The following RBFOX1 variants were observed in gnomAD, a reference collection of about 807,000 sequenced individuals.
RBFOX1 encodes the protein RNA binding fox-1 homolog 1, also known as RNA binding protein fox-1 homolog 1.
Under a neutral mutation model 57.7 loss-of-function variants are expected in RBFOX1, and 8 were observed. That is an observed-to-expected ratio of 0.14 (90% confidence interval 0.08 to 0.25). The LOEUF (loss-of-function observed/expected upper bound fraction) is 0.25. Among genes scored for constraint, RBFOX1 ranks in the 10% least tolerant of loss-of-function variants. RBFOX1 has a pLI of 1.00. For synonymous variants in RBFOX1, 326 were observed against 222.4 expected (o/e 1.47, Z -4.15); for missense variants, 611 against 548.5 (o/e 1.11, Z -1.14).
intron 4 of RBFOX1, among the ~76,000 whole-genome samples, chr16:5,983,819 G>T (rs1336392611): frequency 6.6e-6 from 1 of 151,304 alleles, no homozygotes; most frequent in Admixed American, 6.6e-5. Flanking sequence ...AGGTCTGGCT[G>T]TTCAGGCGTT....
chr16:7,179,988 C>T (rs553864249), intron 4 of RBFOX1, among the ~76,000 whole-genome samples: 1 of 152,070 alleles, frequency 6.6e-6, no homozygotes, highest in South Asian at 2.1e-4. Flanking sequence ...AGTGATCTGC[C>T]CGCCTTAGAC....
At chr16:6,823,089 G>T (rs557719729) in intron 3 of RBFOX1, among the ~76,000 whole-genome samples, 2 of 152,078 alleles carry the variant, frequency 1.3e-5, no homozygotes, top group South Asian at 4.2e-4. Context: ...TTACAGATGG[G>T]AGACTGAGCA....
At chr16:5,884,174 A>G (rs1653505290) in intron 4 of RBFOX1, among the ~76,000 whole-genome samples, 1 of 152,236 alleles carries the variant, frequency 6.6e-6, no homozygotes, top group South Asian at 2.1e-4. Context: ...AGTTGTCAGT[A>G]AATGATACCT....
At chr16:7,199,981 T>C (rs545942475) in intron 4 of RBFOX1, among the ~76,000 whole-genome samples, 7 of 152,314 alleles carry the variant, frequency 4.6e-5, no homozygotes, top group African/African-American at 1.7e-4. Flanking sequence ...ACTTTTGTAA[T>C]CTCATTCTTG....
intron 4 of RBFOX1, among the ~76,000 whole-genome samples, chr16:7,513,887 C>T (rs2075767432): frequency 1.3e-5 from 2 of 152,158 alleles, no homozygotes; most frequent in African/African-American, 4.8e-5. Flanking sequence ...GTAAATTCCC[C>T]AAAAGATTCT....
intron 3 of RBFOX1, among the ~76,000 whole-genome samples, chr16:6,679,786 A>C (rs1256992764): frequency 6.6e-6 from 1 of 151,736 alleles, no homozygotes; most frequent in East Asian, 1.9e-4. Flanking sequence ...TTCTGTTTTC[A>C]AGTTCAGTTT....
chr16:5,421,567 G>A (rs961722711), intron 1 of RBFOX1, among the ~76,000 whole-genome samples: 3 of 152,224 alleles, frequency 2.0e-5, no homozygotes, highest in Non-Finnish European at 4.4e-5. Flanking sequence ...AGGGGGACTC[G>A]AGTGAGGCTC....
intron 3 of RBFOX1, among the ~76,000 whole-genome samples, chr16:6,688,173 G>C (rs906244191): frequency 6.6e-6 from 1 of 151,834 alleles, no homozygotes; most frequent in Non-Finnish European, 1.5e-5. Context: ...AAGACTTTCA[G>C]TCATGGTGGA....
At chr16:7,541,732 C>T (rs2082999561) in intron 5 of RBFOX1, among the ~76,000 whole-genome samples, 1 of 152,226 alleles carries the variant, frequency 6.6e-6, no homozygotes, top group Non-Finnish European at 1.5e-5. Context: ...AGCAGCCATG[C>T]TTTCCTAGTC....
intron 3 of RBFOX1, among the ~76,000 whole-genome samples, chr16:6,711,442 G>T (rs1339138775): frequency 6.6e-6 from 1 of 152,124 alleles, no homozygotes; most frequent in Non-Finnish European, 1.5e-5. Flanking sequence ...ATCTTGAATG[G>T]TAATCCCCAC....
intron 4 of RBFOX1, among the ~76,000 whole-genome samples, chr16:7,353,789 G>C (rs900335810): frequency 3.3e-5 from 5 of 152,108 alleles, no homozygotes; most frequent in Admixed American, 3.3e-4. Context: ...ATTAATGATT[G>C]CTAAGGGCTG....
At chr16:7,467,139 A>G (rs1599141946) in intron 4 of RBFOX1, among the ~76,000 whole-genome samples, 1 of 152,196 alleles carries the variant, frequency 6.6e-6, no homozygotes, top group African/African-American at 2.4e-5. Flanking sequence ...GAGGTAACTG[A>G]TAGAGTATCT....
intron 2 of RBFOX1, among the ~76,000 whole-genome samples, chr16:6,590,145 A>T (rs966499483): frequency 2.0e-5 from 3 of 152,332 alleles, no homozygotes; most frequent in Non-Finnish European, 4.4e-5. Flanking sequence ...AAATACTCAG[A>T]ATGGAGTATG....
At chr16:5,933,182 C>T (rs2059101239) in intron 4 of RBFOX1, among the ~76,000 whole-genome samples, 1 of 152,182 alleles carries the variant, frequency 6.6e-6, no homozygotes, top group Non-Finnish European at 1.5e-5. Context: ...AGCACGTTTG[C>T]ATACGCTGCC....
intron 3 of RBFOX1, among the ~76,000 whole-genome samples, chr16:7,006,306 C>G (rs943882418): frequency 2.0e-5 from 3 of 152,092 alleles, no homozygotes; most frequent in African/African-American, 7.2e-5. Flanking sequence ...AGGTACACAC[C>G]AGTATACCCA....
intron 3 of RBFOX1, among the ~76,000 whole-genome samples, chr16:6,919,602 G>C (rs560248124): frequency 1.3e-5 from 2 of 151,876 alleles, no homozygotes; most frequent in Admixed American, 6.6e-5. Context: ...AGGAAACCCT[G>C]GTATCTTCGA....
chr16:6,530,371 G>C (rs2096640466), intron 2 of RBFOX1, among the ~76,000 whole-genome samples: 1 of 152,182 alleles, frequency 6.6e-6, no homozygotes, highest in African/African-American at 2.4e-5. Flanking sequence ...GCTTGAGCCA[G>C]TTTGGTGCTA....
intron 4 of RBFOX1, among the ~76,000 whole-genome samples, chr16:7,514,378 T>C (rs1465424138): frequency 6.6e-6 from 1 of 152,188 alleles, no homozygotes; most frequent in Non-Finnish European, 1.5e-5. Flanking sequence ...TTCCAGCACA[T>C]ATTCACTTGG....
intron 3 of RBFOX1, among the ~76,000 whole-genome samples, chr16:6,809,669 C>G (rs1367518912): frequency 1.3e-5 from 2 of 152,158 alleles, no homozygotes. Context: ...CTGAGAAGTT[C>G]AGGTGAGATA....
Sources: gnomAD v4.1 joint callset for allele counts (sites outside exome capture counted in the v4.1 genomes callset) on GRCh38, gnomAD v4.1.1 for gene constraint, MANE v1.5 for transcripts, NCBI Gene and HGNC (gene_info 2026-07-23, HGNC 2026-07-21) for gene names.